CDC42BPA: variants seen among roughly 807,000 people sequenced by gnomAD.
CDC42BPA encodes CDC42 binding protein kinase alpha, also known as serine/threonine-protein kinase MRCK alpha.
In CDC42BPA, 80 loss-of-function variants were observed where a neutral mutation model predicts 223.5. The observed-to-expected ratio is 0.36, with a 90% CI of 0.30 to 0.43. CDC42BPA has a LOEUF of 0.43. Ranked by LOEUF, CDC42BPA falls within the 20% of genes least tolerant of loss-of-function variation. The probability of loss-of-function intolerance (pLI) is 1.00; values close to 1 mark genes in which losing one functional copy is unlikely to be tolerated. For synonymous variants in CDC42BPA, 694 were observed against 718.6 expected (o/e 0.97, Z 0.55); for missense variants, 1,743 against 2,099.9 (o/e 0.83, Z 3.32).
intron 4 of CDC42BPA, among the ~76,000 whole-genome samples, chr1:227,197,070 A>T (rs925549206): frequency 1.3e-5 from 2 of 152,144 alleles, no homozygotes; most frequent in Non-Finnish European, 2.9e-5. Context: ...ATAATTGCAA[A>T]TTTTTTCATA....
chr1:227,033,511 G>A, intron 26 of CDC42BPA, 96 bp from the exon 27 acceptor site: 1 of 698,330 alleles, frequency 1.4e-6, no homozygotes, highest in Non-Finnish European at 2.5e-6. Context: ...AAGCTTAACT[G>A]CACCAAACAC....
At chr1:227,119,709 GT>G (rs1466608253) in intron 12 of CDC42BPA, 94 bp downstream of exon 12, 1 of 828,234 alleles carries the variant, frequency 1.2e-6, no homozygotes, top group African/African-American at 1.8e-5. Context: ...AATATACTAT[GT>G]ATTATTGTAA....
chr1:227,279,646 A>C (rs1264620259), intron 1 of CDC42BPA, among the ~76,000 whole-genome samples: 1 of 152,194 alleles, frequency 6.6e-6, no homozygotes, highest in Admixed American at 6.5e-5. Flanking sequence ...ACTTTTATTT[A>C]ATTAAATATG....
At chr1:227,315,594 C>A (rs1171426232) in intron 1 of CDC42BPA, among the ~76,000 whole-genome samples, 1 of 136,428 alleles carries the variant, frequency 7.3e-6, no homozygotes. Flanking sequence ...AAAAAATTAA[C>A]ACTACAGAAT....
chr1:227,124,769 T>G (rs1160273564), intron 11 of CDC42BPA, among the ~76,000 whole-genome samples: 1 of 152,134 alleles, frequency 6.6e-6, no homozygotes, highest in Non-Finnish European at 1.5e-5. Context: ...GCAATGAGGA[T>G]CCACTGAAGA....
chr1:227,295,723 G>A (rs1168430662), intron 1 of CDC42BPA, among the ~76,000 whole-genome samples: 1 of 152,244 alleles, frequency 6.6e-6, no homozygotes, highest in Non-Finnish European at 1.5e-5. Context: ...GATGCTTCCA[G>A]CTCACTGCTG....
chr1:227,217,324 G>A (rs1420566353), intron 2 of CDC42BPA, among the ~76,000 whole-genome samples: 2 of 151,904 alleles, frequency 1.3e-5, no homozygotes, highest in African/African-American at 4.8e-5. Context: ...GCGGGCGCCT[G>A]TAGTCCCAGC....
At chr1:227,219,301 C>T (rs1297394732) in intron 2 of CDC42BPA, 5 of 152,226 alleles carry the variant, frequency 3.3e-5, no homozygotes, top group Admixed American at 3.3e-4. Flanking sequence ...CAAGCTTTCA[C>T]AACAAGCTCT....
chr1:227,126,547 G>A (rs1208068947), intron 11 of CDC42BPA, among the ~76,000 whole-genome samples: 6 of 148,438 alleles, frequency 4.0e-5, no homozygotes, highest in Admixed American at 6.8e-5. Flanking sequence ...AGAAAAAAAA[G>A]GAAAACTAAA....
intron 27 of CDC42BPA, 23 bp from the exon 28 acceptor site, chr1:227,031,537 CATG>C (rs1376733231): frequency 1.3e-6 from 2 of 1,585,336 alleles, no homozygotes; most frequent in Non-Finnish European, 1.7e-6. Flanking sequence ...AATCAATATT[CATG>C]ATATTAGAAA....
rs183098936 is a variant in CDC42BPA at position 227,037,739 on chromosome 1, C to T, written c.3200-2132G>A. On this transcript the variant is annotated intron_variant, in intron 24 of 36. Coordinates refer to ENST00000366766, the MANE Select transcript of CDC42BPA (RefSeq NM_001394014.1). ...ATTTTCTTGTCTTTTTCATAAGATA[C>T]ATCAATATGAGAGATCTTCAGAATG... Among the ~76,000 whole-genome samples, 40 of 152,262 alleles carry T rather than the reference C, an allele frequency of 2.6e-4. 1 individual carries two copies. Among genetic ancestry groups the T allele is most frequent in the African/African-American group, 8.9e-4 (37 of 41,544 alleles).
Position 227,172,594 on chromosome 1 carries a change from A to T in CDC42BPA, c.600-11958T>A, listed in dbSNP as rs191520796. On this transcript the variant is annotated intron_variant, in intron 5 of 36. Coordinates refer to ENST00000366766, the MANE Select transcript of CDC42BPA (RefSeq NM_001394014.1). ...GAGAAAAGCGGGGAGTAATGGGGCA[A>T]TAAAATGCAGATTAAACCACTGCCC... 4.6e-3 allele frequency among the ~76,000 whole-genome samples: 697 copies of T among 152,266 alleles called. 4 individuals are homozygous for T. Among genetic ancestry groups the T allele is most frequent in the African/African-American group, 0.016 (670 of 41,554 alleles).
At chr1:227,091,066 T>A (rs1682985120) in intron 16 of CDC42BPA, among the ~76,000 whole-genome samples, 1 of 152,220 alleles carries the variant, frequency 6.6e-6, no homozygotes, top group African/African-American at 2.4e-5. Context: ...CATTTCTAGC[T>A]TTACTAGTTC....
intron 34 of CDC42BPA, among the ~76,000 whole-genome samples, chr1:227,006,475 A>G (rs1422390388): frequency 1.3e-5 from 2 of 152,184 alleles, no homozygotes; most frequent in African/African-American, 4.8e-5. Context: ...TATTATGAGG[A>G]TAAGAACTGC....
intron 15 of CDC42BPA, among the ~76,000 whole-genome samples, chr1:227,093,743 T>G (rs889148240): frequency 5.3e-5 from 8 of 152,220 alleles, no homozygotes; most frequent in Non-Finnish European, 1.2e-4. Flanking sequence ...CACTTCTCTG[T>G]GTTTCCTGGG....
intron 2 of CDC42BPA, among the ~76,000 whole-genome samples, chr1:227,249,635 A>C (rs935023922): frequency 6.6e-6 from 1 of 152,224 alleles, no homozygotes; most frequent in Non-Finnish European, 1.5e-5. Context: ...AAATGGGCTA[A>C]AGATTTGAAT....
intron 6 of CDC42BPA, among the ~76,000 whole-genome samples, chr1:227,150,857 A>AAAAAAAAAAAAG: frequency 8.9e-6 from 1 of 112,806 alleles, no homozygotes; most frequent in African/African-American, 3.1e-5. Context: ...ACCTCCCTGA[A>AAAAAAAAAAAAG]AAAAAAAAAA....
chr1:227,133,347 A>T (rs1431508238), intron 10 of CDC42BPA, among the ~76,000 whole-genome samples: 3 of 141,084 alleles, frequency 2.1e-5, no homozygotes, highest in East Asian at 2.2e-4. Context: ...GTGGGGGCGG[A>T]CAGCCCCCCG....
chr1:227,266,318 T>C (rs1684989714), intron 1 of CDC42BPA, among the ~76,000 whole-genome samples: 1 of 152,122 alleles, frequency 6.6e-6, no homozygotes, highest in Non-Finnish European at 1.5e-5. Flanking sequence ...GAATGCTCTC[T>C]CTCTACTCTA....
Sources: allele counts gnomAD v4.1 joint callset (sites outside exome capture counted in the v4.1 genomes callset), GRCh38; gene constraint gnomAD v4.1.1; transcripts MANE v1.5; gene names NCBI Gene and HGNC (gene_info 2026-07-23, HGNC 2026-07-21).